FGFR2: variants seen among roughly 807,000 people sequenced by gnomAD.
The protein encoded by FGFR2 is BEK fibroblast growth factor receptor.
FGFR2 carries 19 observed loss-of-function variants against 95.9 expected under a neutral mutation model. The ratio of observed to expected loss-of-function variants is 0.20; its 90% CI spans 0.14 to 0.29. The LOEUF is 0.29. Among genes scored for constraint, FGFR2 ranks in the 10% least tolerant of loss-of-function variants. The pLI, the probability that FGFR2 is intolerant of heterozygous loss-of-function variation, is 1.00. For missense variants in FGFR2, 707 were observed against 1,056.9 expected, an observed-to-expected ratio of 0.67 and a Z score of 4.59; for synonymous variants, 392 against 393.3, an observed-to-expected ratio of 1.00 and a Z score of 0.04.
intron 17 of FGFR2, 65 bp from the exon 18 acceptor site, chr10:121,480,086 C>T (rs1411742169): frequency 4.1e-6 from 6 of 1,456,936 alleles, no homozygotes; most frequent in Admixed American, 1.7e-5. Flanking sequence ...GAATACGGTT[C>T]GAGAGGCTGA....
chr10:121,597,652 G>A (rs1322765043), intron 1 of FGFR2, among the ~76,000 whole-genome samples: 1 of 152,266 alleles, frequency 6.6e-6, no homozygotes, highest in Non-Finnish European at 1.5e-5. Context: ...TCTGGGGTCG[G>A]AGAAACGCGC....
At chr10:121,528,719 G>C (rs962514152) in intron 6 of FGFR2, among the ~76,000 whole-genome samples, 3 of 152,146 alleles carry the variant, frequency 2.0e-5, no homozygotes, top group Non-Finnish European at 4.4e-5. Context: ...CACGGTTCTA[G>C]ATACTTCTAA....
chr10:121,573,147 A>G (rs1031374362), intron 2 of FGFR2, among the ~76,000 whole-genome samples: 1 of 152,228 alleles, frequency 6.6e-6, no homozygotes, highest in Non-Finnish European at 1.5e-5. Context: ...ATGTTTGCCT[A>G]TAAACTTTTC....
chr10:121,492,266 T>C (rs551805198), intron 13 of FGFR2, among the ~76,000 whole-genome samples: 1 of 152,182 alleles, frequency 6.6e-6, no homozygotes, highest in African/African-American at 2.4e-5. Context: ...ATTAGTGTGA[T>C]TTGAGCTAAA....
chr10:121,544,310 G>A (rs1363532976), intron 5 of FGFR2, among the ~76,000 whole-genome samples: 1 of 152,032 alleles, frequency 6.6e-6, no homozygotes, highest in Non-Finnish European at 1.5e-5. Context: ...GCCGGGCATG[G>A]TGGTGAGCAC....
At chr10:121,522,330 G>C (rs756111191) in intron 6 of FGFR2, among the ~76,000 whole-genome samples, 1 of 152,200 alleles carries the variant, frequency 6.6e-6, no homozygotes, top group Non-Finnish European at 1.5e-5. Flanking sequence ...GCTGACGCAG[G>C]AGGATTGCTT....
intron 2 of FGFR2, among the ~76,000 whole-genome samples, chr10:121,589,502 T>C (rs891303597): frequency 7.9e-5 from 12 of 152,258 alleles, no homozygotes; most frequent in African/African-American, 1.9e-4. Context: ...TCTTTACTTA[T>C]GGCTTGATGC....
rs41293763 is a variant in FGFR2 at position 121,496,734 on chromosome 10, G to A, written c.1673-12C>T. 2.2e-3 allele frequency: 3,577 copies of A among 1,610,884 alleles called. 13 individuals carry two copies. Among genetic ancestry groups the A allele is most frequent in the Middle Eastern group, 7.9e-3 (35 of 4,434 alleles). On this transcript the variant is annotated splice_polypyrimidine_tract_variant and intron_variant, in intron 12 of 17. Coordinates refer to ENST00000358487, the MANE Select transcript of FGFR2 (RefSeq NM_000141.5). ...GACATAGAGAGGCCCTGTTGAGGAA[G>A]AAGAGAAGCTCCCTAAAGAGAGAAT...
intron 4 of FGFR2, among the ~76,000 whole-genome samples, chr10:121,560,072 G>A (rs1056351426): frequency 1.3e-5 from 2 of 152,142 alleles, no homozygotes; most frequent in African/African-American, 4.8e-5. Context: ...GTAAACACCT[G>A]TACAAGCATT....
intron 9 of FGFR2, among the ~76,000 whole-genome samples, chr10:121,513,458 GA>G (rs1180988749): frequency 6.6e-6 from 1 of 152,100 alleles, no homozygotes; most frequent in Non-Finnish European, 1.5e-5. Context: ...TAAGTAAAAA[GA>G]AAAGCATTTT....
chr10:121,483,262 G>A (rs1332162547), intron 17 of FGFR2, among the ~76,000 whole-genome samples: 2 of 152,158 alleles, frequency 1.3e-5, no homozygotes, highest in Non-Finnish European at 2.9e-5. Flanking sequence ...AGAAGCTGGT[G>A]TTAGAAAACT....
intron 12 of FGFR2, among the ~76,000 whole-genome samples, chr10:121,497,309 T>C (rs560019662): frequency 2.6e-5 from 4 of 152,282 alleles, no homozygotes; most frequent in Non-Finnish European, 4.4e-5. Context: ...TGCTGTCACC[T>C]GCGCCCTCTT....
chr10:121,549,976 T>G (rs1855124694), intron 5 of FGFR2, among the ~76,000 whole-genome samples: 1 of 152,168 alleles, frequency 6.6e-6, no homozygotes, highest in African/African-American at 2.4e-5. Flanking sequence ...CAGCAACAGG[T>G]AACTAATATG....
At chr10:121,502,111 G>T (rs2134028032) in intron 10 of FGFR2, among the ~76,000 whole-genome samples, 1 of 152,306 alleles carries the variant, frequency 6.6e-6, no homozygotes, top group Non-Finnish European at 1.5e-5. Flanking sequence ...GTTGACTGTG[G>T]TGTCACAGGT....
intron 5 of FGFR2, among the ~76,000 whole-genome samples, chr10:121,540,394 G>A (rs535820560): frequency 1.3e-4 from 20 of 152,170 alleles, no homozygotes; most frequent in African/African-American, 2.9e-4. Flanking sequence ...ATGCTAGCGC[G>A]TCTCCCCTTA....
At chr10:121,569,471 C>T (rs901553814) in intron 2 of FGFR2, among the ~76,000 whole-genome samples, 5 of 152,186 alleles carry the variant, frequency 3.3e-5, no homozygotes, top group South Asian at 2.1e-4. Context: ...CTGCCCGCCT[C>T]GGCCTCCCAA....
intron 6 of FGFR2, among the ~76,000 whole-genome samples, chr10:121,535,325 A>C (rs2134545030): frequency 6.6e-6 from 1 of 152,390 alleles, no homozygotes; most frequent in South Asian, 2.1e-4. Flanking sequence ...GAATGAGGTA[A>C]GTATCATCAT....
chr10:121,550,950 G>A (rs978603729), intron 5 of FGFR2, among the ~76,000 whole-genome samples: 14 of 152,106 alleles, frequency 9.2e-5, no homozygotes, highest in Admixed American at 2.6e-4. Context: ...GCTGGGCATC[G>A]TGGCTCACAC....
Position 121,518,580 on chromosome 10 carries a change from G to C in FGFR2, c.940-1117C>G, listed in dbSNP as rs143262926. 1.5e-6 allele frequency: 2 copies of C among 1,326,442 alleles called. No homozygotes were observed. The highest frequency in any genetic ancestry group is 2.9e-5 in the African/African-American group (2 of 68,620). 82.2% of individuals were successfully genotyped at this position (1,326,442 alleles called of 1,614,324 possible). A position where few individuals can be genotyped will look rare whatever the true frequency, so the allele number is the denominator to read the frequency against. ...TTATAAATATACCAAGGCCACAAGA[G>C]TTATCCTATAAGCTGCCTGCAGTCT... On this transcript the variant is annotated intron_variant, in intron 7 of 17. Transcript: ENST00000358487. This position sits in a 1 kb window ranked among gnomAD's most constrained non-coding sequence, Gnocchi z 4.0.
Sources: gnomAD v4.1 joint callset for allele counts (sites outside exome capture counted in the v4.1 genomes callset) on GRCh38, gnomAD v4.1.1 for gene constraint, Gnocchi (gnomAD v3.1) non-coding constraint, MANE v1.5 for transcripts, NCBI Gene and HGNC (gene_info 2026-07-23, HGNC 2026-07-21) for gene names.